The following ARHGEF3 variants were observed in gnomAD, a reference collection of about 807,000 sequenced individuals.
ARHGEF3 encodes the protein 59.8 kDA protein.
In ARHGEF3, 28 loss-of-function variants were observed where a neutral mutation model predicts 63.2. That is an observed-to-expected ratio of 0.44 (90% CI 0.33 to 0.61). ARHGEF3 has a LOEUF of 0.61. ARHGEF3 is among the 20% of genes least tolerant of loss of function. The pLI is 0.03. For missense variants in ARHGEF3, 533 were observed against 659.3 expected (o/e 0.81, Z 2.10); for synonymous variants, 266 against 254.2 (o/e 1.05, Z -0.44).
intron 1 of ARHGEF3, 122 bp from the exon 2 acceptor site, chr3:56,773,938 A>C (rs1181432981): frequency 2.6e-6 from 2 of 779,848 alleles, no homozygotes; most frequent in African/African-American, 3.7e-5. Context: ...TATGGAATAT[A>C]AAGTGTCACG....
intron 4 of ARHGEF3, among the ~76,000 whole-genome samples, chr3:56,829,034 C>T (rs1427312684): frequency 1.3e-5 from 2 of 152,158 alleles, no homozygotes; most frequent in African/African-American, 4.8e-5. Flanking sequence ...TCAAGCGATT[C>T]TCCTGCTTAG....
At chr3:56,760,518 G>A (rs2035358295) in intron 2 of ARHGEF3, among the ~76,000 whole-genome samples, 2 of 152,130 alleles carry the variant, frequency 1.3e-5, no homozygotes, top group Non-Finnish European at 2.9e-5. Flanking sequence ...GGTACTATGG[G>A]GGATATCACA....
intron 2 of ARHGEF3, among the ~76,000 whole-genome samples, chr3:57,017,661 C>T (rs1271868122): frequency 3.3e-5 from 5 of 152,190 alleles, no homozygotes; most frequent in African/African-American, 4.8e-5. Flanking sequence ...CCTTGGCACA[C>T]GTTGGATTGA....
chr3:57,050,858 G>A (rs1704640685), intron 1 of ARHGEF3, among the ~76,000 whole-genome samples: 1 of 152,180 alleles, frequency 6.6e-6, no homozygotes. Flanking sequence ...AAATCTGCAT[G>A]TCTGTGAACC....
intron 1 of ARHGEF3, among the ~76,000 whole-genome samples, chr3:57,052,877 G>A (rs1215795579): frequency 6.6e-6 from 1 of 152,058 alleles, no homozygotes; most frequent in East Asian, 2.0e-4. Context: ...AGGGCACCAT[G>A]GCCCATCCAG....
At chr3:56,811,290 T>C (rs28738873) in intron 4 of ARHGEF3, among the ~76,000 whole-genome samples, 4,418 of 144,526 alleles carry the variant, frequency 0.031, 196 homozygotes, top group African/African-American at 0.1. Context: ...TTTACGTTTT[T>C]AAAAAATTAG....
chr3:56,857,662 C>T (rs527846962), intron 4 of ARHGEF3, among the ~76,000 whole-genome samples: 9 of 152,314 alleles, frequency 5.9e-5, no homozygotes, highest in East Asian at 5.8e-4. Flanking sequence ...TTTCTCCAAA[C>T]GGCTATAACA....
chr3:56,910,355 C>A (rs913256320), intron 3 of ARHGEF3, among the ~76,000 whole-genome samples: 1 of 152,218 alleles, frequency 6.6e-6, no homozygotes, highest in South Asian at 2.1e-4. Context: ...GGTTCTCAGG[C>A]AGTGCCTGAT....
chr3:56,998,442 C>T (rs1313048200), intron 2 of ARHGEF3, among the ~76,000 whole-genome samples: 1 of 150,940 alleles, frequency 6.6e-6, no homozygotes, highest in Non-Finnish European at 1.5e-5. Flanking sequence ...CAGCCAAGAG[C>T]AACACTGGCT....
rs139330379 is a variant in ARHGEF3 at position 57,013,063 on chromosome 3, C to T, written c.62+22025G>A. ...CCAGCACTGCCGGCCGGCCTGCCTG[C>T]GCCACACTCGAATTCTCGCTGGGCC... On this transcript the variant is annotated intron_variant, in intron 2 of 12. Coordinates refer to the ARHGEF3 transcript ENST00000338458. Among the ~76,000 whole-genome samples the T allele has an allele frequency of 6.2e-3, 951 of 152,262 alleles. 19 individuals carry two copies. The highest frequency in any genetic ancestry group is 0.022 in the African/African-American group (907 of 41,550).
At position 56,795,916 on chromosome 3, in the gene ARHGEF3, G is replaced by A. The variant is rs144563199; in HGVS notation, c.96+5787C>T. On this transcript the variant is annotated intron_variant, in intron 1 of 9. Transcript: ENST00000296315. ...GCCTCCAAGTGCTAGGACTACAGGC[G>A]TGAGCCACCACACTGGGCATGACAC... Among the ~76,000 whole-genome samples the A allele has an allele frequency of 1.6e-3, 242 of 151,752 alleles. 2 individuals are homozygous for A. Among genetic ancestry groups the A allele is most frequent in the African/African-American group, 4.0e-3 (166 of 41,348 alleles).
chr3:56,845,388 C>T (rs925481518), intron 4 of ARHGEF3, among the ~76,000 whole-genome samples: 2 of 152,204 alleles, frequency 1.3e-5, no homozygotes. Context: ...ATGTCTCCAT[C>T]TGAACACAGG....
rs768586626 is a variant in ARHGEF3 at position 57,073,650 on chromosome 3, C to T, written c.-28+5576G>A. The T allele has an allele frequency of 4.5e-6, 7 of 1,571,968 alleles. No homozygotes were observed. The Admixed American group carries it at 5.5e-5, about 12-fold the overall frequency. ...CTCAGGGATTGGCTCCGGCCAAGTG[C>T]CCCAGCCTCCTTTTCTGGAGAATTC... is the stretch of plus-strand genomic sequence containing the variant. On this transcript the variant is annotated intron_variant, in intron 1 of 12. Coordinates refer to the ARHGEF3 transcript ENST00000338458.
At chr3:56,968,262 A>T (rs1700733643) in intron 2 of ARHGEF3, among the ~76,000 whole-genome samples, 1 of 37,448 alleles carries the variant, frequency 2.7e-5, no homozygotes, top group African/African-American at 8.1e-5. Flanking sequence ...ATAATATTTA[A>T]ATATATAATA....
rs574980575 is a variant in ARHGEF3, at chr3:56,767,208, A to G, written c.204+6501T>C. Among the ~76,000 whole-genome samples the G allele has an allele frequency of 5.9e-5, 9 of 152,256 alleles. No homozygotes were observed. The East Asian group carries it at 1.7e-3, about 29-fold the overall frequency. ...TTAACGACATGAAAAATACTCTTCTATTGTAGAGTTATTTTATACCGTTAA... is the reference window on the plus strand; with the variant it reads ...TTAACGACATGAAAAATACTCTTCTGTTGTAGAGTTATTTTATACCGTTAA... On this transcript the variant is annotated intron_variant, in intron 2 of 9. Coordinates refer to ENST00000296315, the MANE Select transcript of ARHGEF3 (RefSeq NM_019555.3).
chr3:56,923,389 G>A (rs1351434451), intron 3 of ARHGEF3, among the ~76,000 whole-genome samples: 3 of 150,834 alleles, frequency 2.0e-5, no homozygotes, highest in Admixed American at 1.3e-4. Flanking sequence ...TTGGTGTAAC[G>A]ATGGAAACTG....
chr3:57,011,615 G>A (rs1228594287), intron 2 of ARHGEF3, among the ~76,000 whole-genome samples: 4 of 152,106 alleles, frequency 2.6e-5, no homozygotes, highest in Non-Finnish European at 5.9e-5. Flanking sequence ...ATTCAATAGT[G>A]TCAAGGTTGA....
upstream of ARHGEF3, among the ~76,000 whole-genome samples, chr3:56,806,646 G>A (rs1235368517): frequency 6.6e-6 from 1 of 152,196 alleles, no homozygotes; most frequent in Non-Finnish European, 1.5e-5. Flanking sequence ...GCTGCTGGTG[G>A]AATGGTAGGC....
At chr3:57,077,614 C>T (rs1579235384) in intron 1 of ARHGEF3, among the ~76,000 whole-genome samples, 1 of 152,232 alleles carries the variant, frequency 6.6e-6, no homozygotes, top group East Asian at 1.9e-4. Context: ...GAGAAGGTGA[C>T]AAGATCAGGT....
Sources: allele counts gnomAD v4.1 joint callset (sites outside exome capture counted in the v4.1 genomes callset), GRCh38; gene constraint gnomAD v4.1.1; transcripts MANE v1.5; gene names NCBI Gene and HGNC (gene_info 2026-07-23, HGNC 2026-07-21).